Variants in CELF2 observed in about 807,000 individuals in gnomAD.
CELF2 encodes the protein CUGBP Elav-like family member 2, also known as CUG triplet repeat RNA-binding protein 2.
A neutral mutation model predicts 62.6 loss-of-function variants in CELF2; 8 were observed. The ratio of observed to expected loss-of-function variants is 0.13; its 90% confidence interval spans 0.07 to 0.23. The LOEUF is 0.23. Ranked by LOEUF, CELF2 falls within the 10% of genes least tolerant of loss-of-function variation. The pLI is 1.00. For synonymous variants in CELF2, 258 were observed against 250.0 expected (o/e 1.03, Z -0.30); for missense variants, 333 against 671.0 (o/e 0.50, Z 5.56).
intron 1 of CELF2, among the ~76,000 whole-genome samples, chr10:10,844,326 G>A (rs1460330174): frequency 6.6e-6 from 1 of 151,992 alleles, no homozygotes; most frequent in African/African-American, 2.4e-5. Context: ...ACCCCCATGT[G>A]AGCCAGAGTG....
intron 3 of CELF2, among the ~76,000 whole-genome samples, chr10:11,236,842 G>A (rs1046235780): frequency 5.3e-5 from 8 of 152,208 alleles, no homozygotes; most frequent in African/African-American, 1.7e-4. Flanking sequence ...CCGTTGTGTG[G>A]ATAAACACAC....
At chr10:10,558,503 T>G in the CELF2 span, among the ~76,000 whole-genome samples, 5 of 152,200 alleles carry the variant, frequency 3.3e-5, no homozygotes, top group South Asian at 2.1e-4. Context: ...TCTCTTTTTT[T>G]GTTGTGTCTC....
At chr10:10,498,442 C>A in the CELF2 span, among the ~76,000 whole-genome samples, 13 of 152,138 alleles carry the variant, frequency 8.5e-5, no homozygotes, top group African/African-American at 3.1e-4. Context: ...TAAGAGACAG[C>A]AATTTGAGCT....
the CELF2 span, among the ~76,000 whole-genome samples, chr10:10,666,028 G>A: frequency 1.3e-5 from 2 of 152,172 alleles, no homozygotes; most frequent in African/African-American, 4.8e-5. Context: ...CTCACCGCTT[G>A]CAAAGCAGAG....
the CELF2 span, among the ~76,000 whole-genome samples, chr10:10,717,400 C>A: frequency 6.6e-6 from 1 of 151,702 alleles, no homozygotes; most frequent in Non-Finnish European, 1.5e-5. Context: ...GTATCTTAGT[C>A]AAATACAGAC....
intron 1 of CELF2, among the ~76,000 whole-genome samples, chr10:10,914,449 C>T (rs1406642824): frequency 1.3e-5 from 2 of 152,190 alleles, no homozygotes; most frequent in Non-Finnish European, 1.5e-5. Flanking sequence ...CTGATGAATG[C>T]TCTACATATT....
Position 11,039,727 on chromosome 10 carries a change from C to T in CELF2, c.74+21564C>T, listed in dbSNP as rs1418856608. Among the ~76,000 whole-genome samples, 1 of 152,118 alleles carries T rather than the reference C, an allele frequency of 6.6e-6. No individual in the cohort carries two copies. Among genetic ancestry groups the T allele is most frequent in the Non-Finnish European group, 1.5e-5 (1 of 68,022 alleles). ...GAACATTATGTACCAGTTTTTAAGG[C>T]TAGTTTCATTTAGGAAAAAAGATAA... On this transcript the variant is annotated intron_variant, in intron 1 of 12. Transcript: ENST00000633077. The surrounding 1 kb of genome is among the most constrained non-coding windows in gnomAD (Gnocchi z 4.1).
At chr10:10,876,268 G>A (rs934759085) in intron 1 of CELF2, among the ~76,000 whole-genome samples, 7 of 152,138 alleles carry the variant, frequency 4.6e-5, no homozygotes, top group Non-Finnish European at 8.8e-5. Flanking sequence ...TGGGAGGTGG[G>A]AAGAAGCAGG....
intron 3 of CELF2, among the ~76,000 whole-genome samples, chr10:11,226,492 A>G (rs1278653124): frequency 6.6e-6 from 1 of 152,212 alleles, no homozygotes; most frequent in Admixed American, 6.5e-5. Context: ...GCAGCTCGTC[A>G]TAGATGTGGA....
At chr10:11,153,377 T>A (rs991622807) in intron 1 of CELF2, among the ~76,000 whole-genome samples, 6 of 152,162 alleles carry the variant, frequency 3.9e-5, no homozygotes. Flanking sequence ...ATCTTATAAT[T>A]TTCTAGAGCT....
chr10:10,787,963 G>T, the CELF2 span, among the ~76,000 whole-genome samples: 1 of 151,924 alleles, frequency 6.6e-6, no homozygotes, highest in African/African-American at 2.4e-5. Context: ...AAGACACTTT[G>T]GCCAGTGAAC....
At chr10:11,131,238 G>C (rs1278094561) in intron 1 of CELF2, among the ~76,000 whole-genome samples, 1 of 152,304 alleles carries the variant, frequency 6.6e-6, no homozygotes, top group South Asian at 2.1e-4. Context: ...GGCCTTAAGA[G>C]TGTCATACAG....
the CELF2 span, among the ~76,000 whole-genome samples, chr10:10,695,828 T>A: frequency 6.6e-6 from 1 of 151,900 alleles, no homozygotes; most frequent in African/African-American, 2.4e-5. Flanking sequence ...ATTCTTCACG[T>A]AGTTCTCGAG....
chr10:10,619,565 C>A, the CELF2 span, among the ~76,000 whole-genome samples: 1 of 152,180 alleles, frequency 6.6e-6, no homozygotes, highest in African/African-American at 2.4e-5. Flanking sequence ...CGCTCCTCTT[C>A]AACCCCCCTC....
chr10:11,189,967 G>A (rs1269846933), intron 2 of CELF2, among the ~76,000 whole-genome samples: 1 of 152,056 alleles, frequency 6.6e-6, no homozygotes, highest in Non-Finnish European at 1.5e-5. Flanking sequence ...TGGAATTTCT[G>A]TACTTCCATC....
chr10:10,696,605 G>A, the CELF2 span, among the ~76,000 whole-genome samples: 16 of 152,064 alleles, frequency 1.1e-4, no homozygotes, highest in South Asian at 4.2e-4. Flanking sequence ...CCCCAGCCTC[G>A]CTGCGGCCTT....
intron 8 of CELF2, among the ~76,000 whole-genome samples, chr10:11,284,469 G>C (rs2090423469): frequency 6.6e-6 from 1 of 151,182 alleles, no homozygotes. Flanking sequence ...GGATGAGTGT[G>C]TGGTGGGTGG....
chr10:10,905,567 A>AC (rs1213053124), intron 1 of CELF2, among the ~76,000 whole-genome samples: 1 of 142,568 alleles, frequency 7.0e-6, no homozygotes, highest in Non-Finnish European at 1.5e-5. Flanking sequence ...AACATGGCAA[A>AC]CCCCCATCTC....
the CELF2 span, among the ~76,000 whole-genome samples, chr10:10,489,901 T>C: frequency 1.3e-5 from 2 of 151,646 alleles, no homozygotes; most frequent in Non-Finnish European, 1.5e-5. Flanking sequence ...GAGTACAGGT[T>C]TGGGGGGAGG....
Sources: gnomAD v4.1 joint callset for allele counts (sites outside exome capture counted in the v4.1 genomes callset) on GRCh38, gnomAD v4.1.1 for gene constraint, Gnocchi (gnomAD v3.1) non-coding constraint, MANE v1.5 for transcripts, NCBI Gene and HGNC (gene_info 2026-07-23, HGNC 2026-07-21) for gene names.